Variants in ESRRG observed in about 807,000 individuals in gnomAD.
The protein encoded by ESRRG is estrogen related receptor gamma.
A neutral mutation model predicts 44.0 loss-of-function variants in ESRRG; 13 were observed. That is an observed-to-expected ratio of 0.30 (90% CI 0.19 to 0.47). ESRRG has a LOEUF of 0.47. Among genes scored for constraint, ESRRG ranks in the 20% least tolerant of loss-of-function variants. The pLI, the probability that ESRRG is intolerant of heterozygous loss-of-function variation, is 1.00. For synonymous variants in ESRRG, 215 were observed against 214.6 expected, an observed-to-expected ratio of 1.00 and a Z score of -0.02; for missense variants, 395 against 580.6, an observed-to-expected ratio of 0.68 and a Z score of 3.29.
In ESRRG at chr1:216,985,527, A is replaced by T. The variant is rs757819073; in HGVS notation, c.-105-45854T>A. The stretch of plus-strand genomic sequence containing the variant: ...AATCTTCCCCATCTCTATATCTTTG[A>T]TGTTAATGGTATGATTTTTATTTTC... On this transcript the variant is annotated intron_variant, in intron 1 of 7. Transcript: ENST00000359162. Among the ~76,000 whole-genome samples the T allele has an allele frequency of 2.6e-5, 4 of 152,158 alleles. No individual in the cohort carries two copies. In the South Asian group the frequency reaches 8.3e-4, roughly 32 times the overall value.
intron 2 of ESRRG, among the ~76,000 whole-genome samples, chr1:216,897,143 TG>T (rs1225768982): frequency 1.3e-5 from 2 of 152,002 alleles, no homozygotes; most frequent in African/African-American, 4.8e-5. Context: ...AAAGTAACCC[TG>T]GGAAGAAATG....
Position 216,519,299 on chromosome 1 carries a change from C to T in ESRRG, c.985G>A (p.Asp329Asn), listed in dbSNP as rs1558221786. The change falls in exon 6 of 7, where the codon GAT (aspartate) becomes AAT (asparagine). Residue 329 changes from aspartate (D) to asparagine (N), a missense_variant. Physicochemically the swap from Asp to Asn is conservative, Grantham distance 23. Around this residue, in one of 5 missense-constraint regions of ESRRG, gnomAD observed 167 missense variants for 251.8 expected, o/e 0.66. Transcript: ENST00000408911. ...GACTGGTCTTCGTCCATTATATAATCGTCTGCATAGACAAGTTCATCCTCA... is the reference window on the plus strand; with the variant it reads ...GACTGGTCTTCGTCCATTATATAATTGTCTGCATAGACAAGTTCATCCTCA... ...SFEDELVYAD[D>N]YIMDEDQSKL... The T allele has an allele frequency of 8.7e-6, 14 of 1,613,824 alleles. No individual in the cohort carries two copies. The highest frequency in any genetic ancestry group is 1.2e-5 in the Non-Finnish European group (14 of 1,179,850).
At chr1:216,988,456 AAAACTC>A (rs1452845876) in intron 1 of ESRRG, among the ~76,000 whole-genome samples, 2 of 152,218 alleles carry the variant, frequency 1.3e-5, no homozygotes, top group Non-Finnish European at 2.9e-5. Flanking sequence ...ACTCAGCAGC[AAAACTC>A]ACTGCCTCCC....
intron 1 of ESRRG, among the ~76,000 whole-genome samples, chr1:216,722,008 C>G (rs924058298): frequency 6.6e-6 from 1 of 152,158 alleles, no homozygotes; most frequent in Non-Finnish European, 1.5e-5. Flanking sequence ...CGTGCATACA[C>G]ACACACACTC....
In ESRRG at chr1:216,791,939, CA is replaced by C. The variant is rs536917076; in HGVS notation, c.-13-114449del. Among the ~76,000 whole-genome samples, 498 of 152,050 alleles carry C rather than the reference CA, an allele frequency of 3.3e-3. 3 individuals carry two copies. The highest frequency in any genetic ancestry group is 0.011 in the African/African-American group (476 of 41,486). On this transcript the variant is annotated intron_variant, in intron 2 of 7. Coordinates refer to the ESRRG transcript ENST00000359162. ...CTTCCTTTTTTTCTTTTCTTTTCCA[CA>C]AAAATTACAATTAGTCCCATTGCCA...
At chr1:216,651,847 G>A (rs972723764) in intron 2 of ESRRG, among the ~76,000 whole-genome samples, 2 of 152,076 alleles carry the variant, frequency 1.3e-5, no homozygotes, top group Non-Finnish European at 2.9e-5. Flanking sequence ...ATCATTTATG[G>A]TAGTACCTAC....
rs149404710 is a variant in ESRRG, at chr1:216,900,291, C to T, written c.-14+39291G>A. On this transcript the variant is annotated intron_variant, in intron 2 of 7. Coordinates refer to the ESRRG transcript ENST00000359162. Reference sequence around the variant, plus strand: ...CCAGGGCTCCTGGGCCGACAACTTGCAAATCTGGAATTTTAGAGCTTTGCC... The same window carrying T: ...CCAGGGCTCCTGGGCCGACAACTTGTAAATCTGGAATTTTAGAGCTTTGCC... 2.8e-4 allele frequency among the ~76,000 whole-genome samples: 43 copies of T among 152,278 alleles called. 2 individuals are homozygous for T. The East Asian group carries it at 7.1e-3, about 25-fold the overall frequency.
intron 2 of ESRRG, among the ~76,000 whole-genome samples, chr1:216,911,339 A>T (rs2149583435): frequency 6.6e-6 from 1 of 152,294 alleles, no homozygotes; most frequent in Non-Finnish European, 1.5e-5. Flanking sequence ...AGGAACCTTA[A>T]ATGTGGAACC....
chr1:216,655,839 C>T (rs939773118), intron 2 of ESRRG, among the ~76,000 whole-genome samples: 1 of 152,152 alleles, frequency 6.6e-6, no homozygotes, highest in Non-Finnish European at 1.5e-5. Flanking sequence ...TGGCTATGAT[C>T]ACCCACCCAA....
chr1:216,933,008 A>G (rs2063600077), intron 2 of ESRRG, among the ~76,000 whole-genome samples: 1 of 152,016 alleles, frequency 6.6e-6, no homozygotes, highest in African/African-American at 2.4e-5. Flanking sequence ...CTGCTTTCAA[A>G]TCACAGCTCT....
chr1:216,828,800 T>C (rs2095438948), intron 2 of ESRRG, among the ~76,000 whole-genome samples: 1 of 96,586 alleles, frequency 1.0e-5, no homozygotes, highest in Non-Finnish European at 2.4e-5. Context: ...CTAGAACCCA[T>C]ATGTCCTCTG....
In ESRRG at chr1:217,028,306, A is replaced by G. The variant is rs531011034; in HGVS notation, c.-106+61201T>C. Among the ~76,000 whole-genome samples the G allele has an allele frequency of 1.3e-5, 2 of 152,338 alleles. 1 individual carries two copies. Among genetic ancestry groups the G allele is most frequent in the African/African-American group, 4.8e-5 (2 of 41,578 alleles). ...CAACTAGAGTAGGTGTTGCCAGAAG[A>G]TGCTCCTGCTGAAAAGGCTCTACAG... On this transcript the variant is annotated intron_variant, in intron 1 of 7. Coordinates refer to the ESRRG transcript ENST00000359162.
chr1:216,666,575 T>C (rs2073984603), intron 2 of ESRRG, among the ~76,000 whole-genome samples: 1 of 152,204 alleles, frequency 6.6e-6, no homozygotes, highest in Admixed American at 6.5e-5. Context: ...AAGGCACTCA[T>C]GTCTTTGTTT....
chr1:216,651,058 A>C lies in ESRRG; in HGVS notation c.504T>G (p.Asn168Lys). The change falls in exon 3 of 7, where the codon AAT becomes AAG. Residue 168 changes from asparagine to lysine, a missense_variant. Asn to Lys is a moderately conservative substitution (Grantham distance 94). This residue lies in a region of ESRRG where 35 missense variants were observed against 120.1 expected (regional missense o/e 0.29). Coordinates refer to ENST00000408911, the MANE Select transcript of ESRRG (RefSeq NM_001438.4). The part of the protein sequence containing the change: ...GNIEYSCPAT[N>K]ECEITKRRRK... ...GTCTGCGCTTTGTGATTTCACATTC[A>C]TTCGTGGCAGGGCAGCTGTATTCTA... is the stretch of plus-strand genomic sequence containing the variant. 1 of 1,613,026 alleles carries C rather than the reference A, an allele frequency of 6.2e-7. No individual in the cohort carries two copies. The highest frequency in any genetic ancestry group is 8.5e-7 in the Non-Finnish European group (1 of 1,179,098).
At chr1:216,516,072 T>C (rs890767155) in intron 6 of ESRRG, among the ~76,000 whole-genome samples, 1 of 152,112 alleles carries the variant, frequency 6.6e-6, no homozygotes. Context: ...AGAATTACAA[T>C]ATTAAAATTG....
At chr1:216,529,575 G>A (rs2048686261) in intron 5 of ESRRG, among the ~76,000 whole-genome samples, 1 of 149,852 alleles carries the variant, frequency 6.7e-6, no homozygotes, top group African/African-American at 2.5e-5. Flanking sequence ...TGTCGAAGAG[G>A]CAATCCCAGC....
chr1:216,905,289 C>T (rs1032445820), intron 2 of ESRRG, among the ~76,000 whole-genome samples: 1 of 152,110 alleles, frequency 6.6e-6, no homozygotes, highest in Non-Finnish European at 1.5e-5. Context: ...TCACTAGGCT[C>T]CAGTCATGTT....
At chr1:216,904,671 C>G (rs1034208440) in intron 2 of ESRRG, among the ~76,000 whole-genome samples, 3 of 152,142 alleles carry the variant, frequency 2.0e-5, no homozygotes, top group African/African-American at 7.2e-5. Flanking sequence ...GCCTGGAAGA[C>G]AGCTTTCCAC....
chr1:217,088,218 G>C (rs2092204172), intron 1 of ESRRG, among the ~76,000 whole-genome samples: 1 of 152,150 alleles, frequency 6.6e-6, no homozygotes, highest in South Asian at 2.1e-4. Context: ...AAACAAATGA[G>C]AGTTTCTCTT....
Sources: gnomAD v4.1 joint callset for allele counts (sites outside exome capture counted in the v4.1 genomes callset) on GRCh38, gnomAD v4.1.1 for gene constraint, gnomAD v4.1.1 regional missense constraint, MANE v1.5 for transcripts, NCBI Gene and HGNC (gene_info 2026-07-23, HGNC 2026-07-21) for gene names.